The following WDR12 variants were observed in gnomAD, a reference collection of about 807,000 sequenced individuals.
The protein encoded by WDR12 is ribosome biogenesis protein WDR12.
A neutral mutation model predicts 64.3 loss-of-function variants in WDR12; 42 were observed. That is an observed-to-expected ratio of 0.65 (90% CI 0.51 to 0.84). The LOEUF (loss-of-function observed/expected upper bound fraction) is 0.84, where lower values mean the gene tolerates loss of function less well. Among genes scored for constraint, WDR12 ranks in the 40% least tolerant of loss-of-function variants. WDR12 has a pLI of 0.00. For synonymous variants in WDR12, 158 were observed against 173.3 expected (o/e 0.91, Z 0.70); for missense variants, 469 against 494.6 (o/e 0.95, Z 0.49).
In WDR12 at chr2:202,875,883, T is replaced by C. The variant is rs894280766; in HGVS notation, c.*4977A>G. 2.6e-5 allele frequency: 4 copies of C among 152,334 alleles called. No homozygotes were observed. Among genetic ancestry groups the C allele is most frequent in the South Asian group, 4.1e-4 (2 of 4,826 alleles). The allele number at this position is 152,334 out of a possible 1,614,324, so 9.4% of individuals were successfully genotyped here. A position where few individuals can be genotyped will look rare whatever the true frequency, so the allele number is the denominator to read the frequency against. ...GACTGTTCAAAAACTTTAACATATA[T>C]TTTTCTCTCCTATAAAATGCAAATA... On this transcript the variant is annotated 3_prime_UTR_variant, in exon 13 of 13. Transcript: ENST00000261015.
chr2:202,879,483 T>C lies in WDR12; in HGVS notation c.*1377A>G, dbSNP rs1289262521. The C allele has an allele frequency of 6.6e-6, 1 of 151,938 alleles. No individual in the cohort carries two copies. The highest frequency in any genetic ancestry group is 1.5e-5 in the Non-Finnish European group (1 of 67,970). 9.4% of individuals were successfully genotyped at this position (151,938 alleles called of 1,614,324 possible). A position where few individuals can be genotyped will look rare whatever the true frequency, so the allele number is the denominator to read the frequency against. On this transcript the variant is annotated 3_prime_UTR_variant, in exon 13 of 13. Transcript: ENST00000261015. Reference sequence around the variant, plus strand: ...CTGCCCAGGCTGGAGCACAGTGGTATGATCTCAGCTCACTGCAACCTCCAC... The same window carrying C: ...CTGCCCAGGCTGGAGCACAGTGGTACGATCTCAGCTCACTGCAACCTCCAC...
At chr2:202,888,709 C>T (rs1688094435) in intron 8 of WDR12, among the ~76,000 whole-genome samples, 1 of 151,938 alleles carries the variant, frequency 6.6e-6, no homozygotes, top group Non-Finnish European at 1.5e-5. Context: ...TGCTAAAATC[C>T]AAATTTTTCT....
At chr2:202,892,548 A>G (rs1574405656) in intron 8 of WDR12, 69 bp downstream of exon 8, 4 of 1,038,680 alleles carry the variant, frequency 3.9e-6, no homozygotes, top group Admixed American at 4.3e-5. Context: ...AAAAAAGACC[A>G]TATTAAATTA....
chr2:202,896,753 C>T (rs11890006), intron 5 of WDR12, among the ~76,000 whole-genome samples: 49,400 of 151,922 alleles, frequency 0.33, 8,833 homozygotes, highest in East Asian at 0.6. Flanking sequence ...CTTTGGGAGG[C>T]CAAGGCGGGT....
In WDR12 at chr2:202,876,349, T is replaced by G. The variant is rs1395464660; in HGVS notation, c.*4511A>C. 6.6e-6 allele frequency: 1 copy of G among 152,226 alleles called. No homozygotes were observed. Among genetic ancestry groups the G allele is most frequent in the Non-Finnish European group, 1.5e-5 (1 of 68,040 alleles). 9.4% of individuals were successfully genotyped at this position (152,226 alleles called of 1,614,324 possible). ...GAGCCTGGATGGCAGAGCTAGACTA[T>G]GTCTCGTAAAAAGAGATATATTTGG... On this transcript the variant is annotated 3_prime_UTR_variant, in exon 13 of 13. Transcript: ENST00000261015.
Position 202,879,379 on chromosome 2 carries a change from C to G in WDR12, c.*1481G>C, listed in dbSNP as rs1687912757. ...TCTGACATATATTTAATATAAAGTG[C>G]CTTCCTTAAAATATCTTGATGAATT... On this transcript the variant is annotated 3_prime_UTR_variant, in exon 13 of 13. Transcript: ENST00000261015. 6.6e-6 allele frequency: 1 copy of G among 151,492 alleles called. No homozygotes were observed. Among genetic ancestry groups the G allele is most frequent in the Non-Finnish European group, 1.5e-5 (1 of 67,914 alleles). 9.4% of individuals were successfully genotyped at this position (151,492 alleles called of 1,614,324 possible).
rs144781480 is a variant in WDR12 at position 202,888,957 on chromosome 2, G to A, written c.741+3660C>T. ...ACTCCTAGGCTCAAGTGATCCTCCAGTGTTGGCTTCAAAGTACAGGTGTTA... is the reference window on the plus strand; with the variant it reads ...ACTCCTAGGCTCAAGTGATCCTCCAATGTTGGCTTCAAAGTACAGGTGTTA... On this transcript the variant is annotated intron_variant, in intron 8 of 12. Coordinates refer to ENST00000261015, the MANE Select transcript of WDR12 (RefSeq NM_018256.4). 9.9e-3 allele frequency among the ~76,000 whole-genome samples: 1,502 copies of A among 152,190 alleles called. 10 individuals carry two copies. Among genetic ancestry groups the A allele is most frequent in the Non-Finnish European group, 0.017 (1,164 of 67,998 alleles).
At chr2:202,890,497 T>C (rs1688135669) in intron 8 of WDR12, among the ~76,000 whole-genome samples, 1 of 152,082 alleles carries the variant, frequency 6.6e-6, no homozygotes, top group Non-Finnish European at 1.5e-5. Flanking sequence ...AGGCCGGGTG[T>C]GGTGGCTCAC....
intron 7 of WDR12, 68 bp from the exon 8 acceptor site, chr2:202,892,770 C>A (rs1200236951): frequency 3.5e-6 from 4 of 1,130,910 alleles, no homozygotes; most frequent in Non-Finnish European, 3.9e-6. Flanking sequence ...TGAAAGAATT[C>A]TTTACATTTC....
chr2:202,889,356 A>T (rs1688106066), intron 8 of WDR12, among the ~76,000 whole-genome samples: 1 of 152,146 alleles, frequency 6.6e-6, no homozygotes, highest in African/African-American at 2.4e-5. Flanking sequence ...AGTAAAAACA[A>T]AGCAAAACAA....
chr2:202,886,471 A>G (rs1688051081), intron 8 of WDR12, among the ~76,000 whole-genome samples: 1 of 150,810 alleles, frequency 6.6e-6, no homozygotes, highest in Non-Finnish European at 1.5e-5. Flanking sequence ...AAAACAAACA[A>G]ACAAACAAAA....
In WDR12 at chr2:202,876,810, C is replaced by T. The variant is rs1687865783; in HGVS notation, c.*4050G>A. The T allele has an allele frequency of 6.6e-6, 1 of 152,164 alleles. No homozygotes were observed. The highest frequency in any genetic ancestry group is 1.5e-5 in the Non-Finnish European group (1 of 68,060). The allele number at this position is 152,164 out of a possible 1,614,324, so 9.4% of individuals were successfully genotyped here. A position where few individuals can be genotyped will look rare whatever the true frequency, so the allele number is the denominator to read the frequency against. On this transcript the variant is annotated 3_prime_UTR_variant, in exon 13 of 13. Coordinates refer to ENST00000261015, the MANE Select transcript of WDR12 (RefSeq NM_018256.4). Reference sequence around the variant, plus strand: ...ATCAGCCAGATGTGGTGACATGCGCCTGTGGTCCTAGTTAGGAGGATGAGG... The same window carrying T: ...ATCAGCCAGATGTGGTGACATGCGCTTGTGGTCCTAGTTAGGAGGATGAGG...
At position 202,876,108 on chromosome 2, in the gene WDR12, G is replaced by A. The variant is rs1309213613; in HGVS notation, c.*4752C>T. The A allele has an allele frequency of 6.6e-6, 1 of 152,180 alleles. No individual in the cohort carries two copies. Among genetic ancestry groups the A allele is most frequent in the East Asian group, 1.9e-4 (1 of 5,200 alleles). The allele number at this position is 152,180 out of a possible 1,614,324, so 9.4% of individuals were successfully genotyped here. On this transcript the variant is annotated 3_prime_UTR_variant, in exon 13 of 13. Coordinates refer to ENST00000261015, the MANE Select transcript of WDR12 (RefSeq NM_018256.4). ...TTATAATAAAGATATATTTGGTTCA[G>A]GCTGGATGCAGTGGCTCATGCCTGT...
chr2:202,883,787 G>A lies in WDR12; in HGVS notation c.989-46C>T, dbSNP rs762915202. ...AAGCGTTGAATTTTAGAAAAGGGAA[G>A]TAGGTAGAAGGAACCCAAAAAATAT... On this transcript the variant is annotated intron_variant, in intron 10 of 12. Coordinates refer to ENST00000261015, the MANE Select transcript of WDR12 (RefSeq NM_018256.4). 5 of 1,575,656 alleles carry A rather than the reference G, an allele frequency of 3.2e-6. No homozygotes were observed. In the African/African-American group the frequency reaches 4.2e-5, roughly 13 times the overall value.
intron 10 of WDR12, 62 bp from the exon 11 acceptor site, chr2:202,883,803 CA>C: frequency 6.7e-7 from 1 of 1,500,386 alleles, no homozygotes; most frequent in Non-Finnish European, 8.8e-7. Context: ...AGAAGGAACC[CA>C]AAAAATATTT....
intron 8 of WDR12, among the ~76,000 whole-genome samples, chr2:202,887,007 G>A (rs533396086): frequency 6.6e-6 from 1 of 152,266 alleles, no homozygotes; most frequent in African/African-American, 2.4e-5. Flanking sequence ...ATATTCTGCT[G>A]TATGAATAAT....
At position 202,879,725 on chromosome 2, in the gene WDR12, C is replaced by A. The variant is rs1234117388; in HGVS notation, c.*1135G>T. 6.6e-6 allele frequency: 1 copy of A among 151,892 alleles called. No individual in the cohort carries two copies. Among genetic ancestry groups the A allele is most frequent in the African/African-American group, 2.4e-5 (1 of 41,290 alleles). 9.4% of individuals were successfully genotyped at this position (151,892 alleles called of 1,614,324 possible). ...GGGATTACAAGCATGAGCCACCGTG[C>A]CCTGCCGAATCAATATTTTGTTATC... On this transcript the variant is annotated 3_prime_UTR_variant, in exon 13 of 13. Coordinates refer to ENST00000261015, the MANE Select transcript of WDR12 (RefSeq NM_018256.4).
intron 1 of WDR12, among the ~76,000 whole-genome samples, chr2:202,910,011 G>C (rs72936846): frequency 0.088 from 13,445 of 151,954 alleles, 730 homozygotes; most frequent in Non-Finnish European, 0.12. Context: ...TGCTCAGGCT[G>C]GTCTCAAACT....
intron 2 of WDR12, among the ~76,000 whole-genome samples, chr2:202,905,133 A>T (rs1688430066): frequency 6.6e-6 from 1 of 152,236 alleles, no homozygotes. Flanking sequence ...ATTTCACCCC[A>T]GATAAAATGG....
Sources: gnomAD v4.1 joint callset for allele counts (sites outside exome capture counted in the v4.1 genomes callset) on GRCh38, gnomAD v4.1.1 for gene constraint, MANE v1.5 for transcripts, NCBI Gene and HGNC (gene_info 2026-07-23, HGNC 2026-07-21) for gene names.